The following SIPA1L3 variants were observed in gnomAD, a reference collection of about 807,000 sequenced individuals.
SIPA1L3 encodes signal induced proliferation associated 1 like 3.
Under a neutral mutation model 150.1 loss-of-function variants are expected in SIPA1L3, and 59 were observed. The observed-to-expected ratio is 0.39, with a 90% CI of 0.32 to 0.49. The LOEUF is 0.49. SIPA1L3 is among the 20% of genes least tolerant of loss of function. The pLI is 0.86. For synonymous variants in SIPA1L3, 1,070 were observed against 1,077.6 expected, an observed-to-expected ratio of 0.99 and a Z score of 0.14; for missense variants, 2,211 against 2,489.5, an observed-to-expected ratio of 0.89 and a Z score of 2.38.
intron 1 of SIPA1L3, among the ~76,000 whole-genome samples, chr19:37,974,711 G>T (rs565760526): frequency 6.6e-6 from 1 of 152,030 alleles, no homozygotes; most frequent in Non-Finnish European, 1.5e-5. Flanking sequence ...TTGAGTTGAC[G>T]TGATTGTGCC....
intron 2 of SIPA1L3, among the ~76,000 whole-genome samples, chr19:38,031,738 G>A (rs942923116): frequency 6.6e-6 from 1 of 152,276 alleles, no homozygotes. Context: ...CAGGCCAGGA[G>A]TTTGAAACCA....
chr19:38,117,993 A>T (rs375674644), intron 8 of SIPA1L3, among the ~76,000 whole-genome samples: 1 of 152,120 alleles, frequency 6.6e-6, no homozygotes, highest in African/African-American at 2.4e-5. Context: ...TCAGATTTTG[A>T]TAGCGCCTCC....
rs370193698 is a variant in SIPA1L3 at position 38,167,231 on chromosome 19, C to CAAAAAAA, written c.4208+2336_4208+2342dup. Among the ~76,000 whole-genome samples, 9 of 87,528 alleles carry CAAAAAAA rather than the reference C, an allele frequency of 1.0e-4. 1 individual carries two copies. Among genetic ancestry groups the CAAAAAAA allele is most frequent in the Non-Finnish European group, 1.8e-4 (8 of 43,650 alleles). The allele number at this position is 87,528 out of a possible 152,430, so 57.4% of individuals were successfully genotyped here. ...CTGGCAACAGAGCGAGATTCCATCT[C>CAAAAAAA]AAAAAAAAAAAAAAAAAGGTGAAGC... On this transcript the variant is annotated intron_variant, in intron 15 of 21. Coordinates refer to ENST00000222345, the MANE Select transcript of SIPA1L3 (RefSeq NM_015073.3).
intron 6 of SIPA1L3, among the ~76,000 whole-genome samples, chr19:38,102,625 A>T (rs1970531651): frequency 1.3e-5 from 2 of 151,682 alleles, no homozygotes; most frequent in African/African-American, 4.8e-5. Flanking sequence ...AAAAACAAAA[A>T]CCCAGCAATA....
chr19:38,064,451 C>T (rs576646146), intron 2 of SIPA1L3, among the ~76,000 whole-genome samples: 1 of 152,362 alleles, frequency 6.6e-6, no homozygotes, highest in Non-Finnish European at 1.5e-5. Flanking sequence ...AATCCCAACA[C>T]TTTGGGAGGC....
In SIPA1L3 at chr19:38,119,360, T is replaced by C; in HGVS notation, c.2346T>C (p.Ser782=). The change falls in exon 9 of 22, where the codon AGT becomes AGC. Residue 782 remains serine, a synonymous_variant. Transcript: ENST00000222345. ...CTCCTTTCGGCCCCCCCATCCCCAG[T>C]GGAACCACATTCCGCAAATCCGACG... ...DAPPFGPPIP[S]GTTFRKSDVF... 1 of 1,614,116 alleles carries C rather than the reference T, an allele frequency of 6.2e-7. No homozygotes were observed.
At chr19:38,002,051 A>G (rs2031681236) in intron 1 of SIPA1L3, among the ~76,000 whole-genome samples, 1 of 152,186 alleles carries the variant, frequency 6.6e-6, no homozygotes, top group Non-Finnish European at 1.5e-5. Flanking sequence ...TACATTACTG[A>G]TAGATATAGT....
chr19:38,081,984 G>C lies in SIPA1L3; in HGVS notation c.419G>C (p.Arg140Pro), dbSNP rs376921669. The change falls in exon 3 of 22, where the codon CGA becomes CCA. Residue 140 changes from arginine to proline, a missense_variant. By Grantham distance (103) the Arg-to-Pro change is moderately radical. Around this residue, in one of 5 missense-constraint regions of SIPA1L3, gnomAD observed 587 missense variants for 534.5 expected, o/e 1.10. Coordinates refer to ENST00000222345, the MANE Select transcript of SIPA1L3 (RefSeq NM_015073.3). ...PASSGSKAFHRLSRRRSKDVE... is the reference protein window; with the variant it reads ...PASSGSKAFHPLSRRRSKDVE... The stretch of plus-strand genomic sequence containing the variant: ...TCCTCAGGGTCCAAAGCCTTCCACC[G>C]ACTCTCCAGGAGAAGGTCCAAAGAC... The C allele has an allele frequency of 4.9e-5, 79 of 1,614,056 alleles. No individual in the cohort carries two copies. The highest frequency in any genetic ancestry group is 6.7e-5 in the African/African-American group (5 of 74,934).
chr19:38,111,947 A>G (rs1239372500), intron 8 of SIPA1L3, among the ~76,000 whole-genome samples: 3 of 150,852 alleles, frequency 2.0e-5, no homozygotes, highest in East Asian at 3.9e-4. Flanking sequence ...ACATGCACAC[A>G]CATACATGCA....
At chr19:38,122,693 A>G (rs945859610) in intron 9 of SIPA1L3, among the ~76,000 whole-genome samples, 1 of 151,878 alleles carries the variant, frequency 6.6e-6, no homozygotes, top group African/African-American at 2.4e-5. Context: ...CTCTGACCTC[A>G]TGTCACTGTT....
intron 1 of SIPA1L3, among the ~76,000 whole-genome samples, chr19:37,927,960 G>C (rs993294152): frequency 6.6e-6 from 1 of 152,086 alleles, no homozygotes; most frequent in African/African-American, 2.4e-5. Flanking sequence ...ATGGGCATCC[G>C]GGTTGATTCC....
chr19:38,163,449 C>A (rs1192285999), intron 14 of SIPA1L3, among the ~76,000 whole-genome samples: 1 of 144,928 alleles, frequency 6.9e-6, no homozygotes, highest in Non-Finnish European at 1.5e-5. Context: ...AAGATTGCAC[C>A]ACTGCACTCC....
At chr19:38,030,334 C>T (rs1179408793) in intron 2 of SIPA1L3, among the ~76,000 whole-genome samples, 4 of 151,736 alleles carry the variant, frequency 2.6e-5, no homozygotes, top group African/African-American at 7.3e-5. Flanking sequence ...GGCTGAGGCT[C>T]GAGGATCGAT....
intron 1 of SIPA1L3, among the ~76,000 whole-genome samples, chr19:37,987,332 A>G (rs1485978423): frequency 6.6e-6 from 1 of 152,144 alleles, no homozygotes; most frequent in Admixed American, 6.5e-5. Flanking sequence ...AGATGTGTAG[A>G]ATCTGGGACA....
At chr19:38,092,883 G>A (rs150273152) in intron 4 of SIPA1L3, among the ~76,000 whole-genome samples, 111 of 143,332 alleles carry the variant, frequency 7.7e-4, no homozygotes, top group African/African-American at 2.8e-3. Flanking sequence ...TTCCCGAGAC[G>A]GAGTCTAGCT....
chr19:38,180,418 T>TC (rs1972529462), intron 15 of SIPA1L3, among the ~76,000 whole-genome samples: 6 of 152,190 alleles, frequency 3.9e-5, no homozygotes, highest in Admixed American at 3.9e-4. Flanking sequence ...CGTCTTGGCC[T>TC]CCCAAAGTGC....
chr19:38,145,534 C>CAA (rs35073920), intron 12 of SIPA1L3, among the ~76,000 whole-genome samples: 5 of 94,268 alleles, frequency 5.3e-5, no homozygotes, highest in South Asian at 3.3e-4. Context: ...AACTCCGTCT[C>CAA]AAAAAAAAAA....
intron 1 of SIPA1L3, among the ~76,000 whole-genome samples, chr19:37,936,617 A>G (rs2046603103): frequency 6.6e-6 from 1 of 152,234 alleles, no homozygotes; most frequent in African/African-American, 2.4e-5. Context: ...CAGTGGCCCT[A>G]TGAAATGGGC....
chr19:38,037,397 C>T (rs183791678), intron 2 of SIPA1L3, among the ~76,000 whole-genome samples: 2 of 152,200 alleles, frequency 1.3e-5, no homozygotes, highest in South Asian at 2.1e-4. Context: ...GAGCTCCGGA[C>T]GTGGGAAGGA....
Sources: allele counts gnomAD v4.1 joint callset (sites outside exome capture counted in the v4.1 genomes callset), GRCh38; gene constraint gnomAD v4.1.1; regional missense constraint gnomAD v4.1.1; transcripts MANE v1.5; gene names NCBI Gene and HGNC (gene_info 2026-07-23, HGNC 2026-07-21).